The following NUBP1 variants were observed in gnomAD, a reference collection of about 807,000 sequenced individuals.
NUBP1 encodes NUBP iron-sulfur cluster assembly factor 1, cytosolic, also known as cytosolic Fe-S cluster assembly factor NUBP1.
NUBP1 carries 46 observed loss-of-function variants against 41.8 expected under a neutral mutation model. That is an observed-to-expected ratio of 1.10 (90% CI 0.87 to 1.41). NUBP1 has a LOEUF of 1.41. Among genes scored for constraint, NUBP1 ranks in the 40% most tolerant of loss-of-function variants. The probability of loss-of-function intolerance (pLI) is 0.00; values close to 1 mark genes in which losing one functional copy is unlikely to be tolerated. For missense variants in NUBP1, 494 were observed against 414.0 expected (o/e 1.19, Z -1.68); for synonymous variants, 189 against 154.6 (o/e 1.22, Z -1.65).
At position 10,749,126 on chromosome 16, in the gene NUBP1, TACACACAC is replaced by T. The variant is rs58201009; in HGVS notation, c.258+1887_258+1894del. ...GGATATAGATAGATACACAGACACA[TACACACAC>T]ACACACACACACACACACACACACA... On this transcript the variant is annotated intron_variant, in intron 3 of 10. Transcript: ENST00000283027. The surrounding 1 kb of genome is among the most constrained non-coding windows in gnomAD (Gnocchi z 4.1). Among the ~76,000 whole-genome samples, 1,780 of 121,004 alleles carry T rather than the reference TACACACAC, an allele frequency of 0.015. 14 individuals are homozygous for T. Among genetic ancestry groups the T allele is most frequent in the Middle Eastern group, 0.031 (8 of 254 alleles). 79.4% of individuals were successfully genotyped at this position (121,004 alleles called of 152,430 possible). A position where few individuals can be genotyped will look rare whatever the true frequency, so the allele number is the denominator to read the frequency against.
At chr16:10,748,712 C>G (rs1421585978) in intron 3 of NUBP1, among the ~76,000 whole-genome samples, 2 of 152,180 alleles carry the variant, frequency 1.3e-5, no homozygotes, top group African/African-American at 4.8e-5. Flanking sequence ...TTATTTCACT[C>G]TCTGGATATG....
Position 10,757,798 on chromosome 16 carries a change from TAA to T in NUBP1, c.452-66_452-65del. ...GGCAACATAGCAAGACCCCATCCTT[TAA>T]AAAAAAAAGAGGGAGTTGAAAGTAC... On this transcript the variant is annotated intron_variant, in intron 6 of 10. Transcript: ENST00000283027. This position sits in a 1 kb window ranked among gnomAD's most constrained non-coding sequence, Gnocchi z 4.1. 2.5e-6 allele frequency: 3 copies of T among 1,222,016 alleles called. No individual in the cohort carries two copies. The highest frequency in any genetic ancestry group is 1.1e-6 in the Non-Finnish European group (1 of 890,840). The allele number at this position is 1,222,016 out of a possible 1,614,324, so 75.7% of individuals were successfully genotyped here.
rs768697857 is a variant in NUBP1, at chr16:10,749,798, G to A, written c.258+2522G>A. Among the ~76,000 whole-genome samples the A allele has an allele frequency of 1.2e-4, 18 of 152,296 alleles. No homozygotes were observed. Among genetic ancestry groups the A allele is most frequent in the South Asian group, 1.0e-3 (5 of 4,826 alleles). ...ATGTTAGCGCTTGAGGCAGGCAGGCGCCTGTCATCTCATTGGCACAAAGGG... is the reference window on the plus strand; with the variant it reads ...ATGTTAGCGCTTGAGGCAGGCAGGCACCTGTCATCTCATTGGCACAAAGGG... On this transcript the variant is annotated intron_variant, in intron 3 of 10. Transcript: ENST00000283027. This position sits in a 1 kb window ranked among gnomAD's most constrained non-coding sequence, Gnocchi z 4.1.
chr16:10,761,634 G>C (rs2029910963), intron 8 of NUBP1, 123 bp from the exon 9 acceptor site: 1 of 950,446 alleles, frequency 1.1e-6, no homozygotes, highest in South Asian at 1.7e-5. Context: ...AAGTTCTTTA[G>C]GTGTTAAGGG....
At position 10,749,157 on chromosome 16, in the gene NUBP1, A is replaced by ACACG. The variant is rs947627167; in HGVS notation, c.258+1884_258+1885insGCAC. Among the ~76,000 whole-genome samples the ACACG allele has an allele frequency of 6.7e-6, 1 of 150,202 alleles. No homozygotes were observed. The highest frequency in any genetic ancestry group is 1.5e-5 in the Non-Finnish European group (1 of 67,310). On this transcript the variant is annotated intron_variant, in intron 3 of 10. Transcript: ENST00000283027. This position sits in a 1 kb window ranked among gnomAD's most constrained non-coding sequence, Gnocchi z 4.1. ...CACACACACACACACACACACACAC[A>ACACG]CACACACACACACGTTGATTCGTCA... is the stretch of plus-strand genomic sequence containing the variant.
At chr16:10,758,359 G>C (rs903951037) in intron 7 of NUBP1, among the ~76,000 whole-genome samples, 13 of 152,208 alleles carry the variant, frequency 8.5e-5, no homozygotes, top group African/African-American at 3.1e-4. Flanking sequence ...TGTAGTTCCA[G>C]CTACTTGGGA....
At chr16:10,756,883 C>T (rs1900596477) in intron 6 of NUBP1, 103 bp downstream of exon 6, 2 of 842,238 alleles carry the variant, frequency 2.4e-6, no homozygotes, top group Non-Finnish European at 1.8e-6. Flanking sequence ...TGCTGGACTT[C>T]ACAGTATATT....
intron 9 of NUBP1, among the ~76,000 whole-genome samples, chr16:10,764,467 G>GCTGGAGTATGTCAGTCTA (rs2030540690): frequency 6.6e-6 from 1 of 150,900 alleles, no homozygotes; most frequent in African/African-American, 2.4e-5. Context: ...ATCTCAGTCT[G>GCTGGAGTATGTCAGTCTA]CTGGAGTATG....
At position 10,767,168 on chromosome 16, in the gene NUBP1, AG is replaced by A. The variant is rs2031007329; in HGVS notation, c.821-780del. 2 of 399,452 alleles carry A rather than the reference AG, an allele frequency of 5.0e-6. No homozygotes were observed. The highest frequency in any genetic ancestry group is 8.8e-6 in the Non-Finnish European group (2 of 226,754). The allele number at this position is 399,452 out of a possible 1,614,324, so 24.7% of individuals were successfully genotyped here. ...AGCAGCTCAGGCCTGGGGAGTGGGC[AG>A]AGCAAGCTGATGGCAGGTCCACCCA... On this transcript the variant is annotated intron_variant, in intron 9 of 10. Transcript: ENST00000283027. This position sits in a 1 kb window ranked among gnomAD's most constrained non-coding sequence, Gnocchi z 4.6.
rs1309686500 is a variant in NUBP1, at chr16:10,757,955, T to G, written c.534T>G (p.Asp178Glu). ...TGGACACCCCACCTGGGACGTCGGA[T>G]GAACACCTCTCGGTCGTCCGGTACC... is the stretch of plus-strand genomic sequence containing the variant. ...LIVDTPPGTSDEHLSVVRYLA... is the reference protein window; with the variant it reads ...LIVDTPPGTSEEHLSVVRYLA... Residue 178 changes from aspartate to glutamate, a missense_variant, in exon 7 of 11, where the codon GAT becomes GAG. By Grantham distance (45) the Asp-to-Glu change is conservative. Transcript: ENST00000283027. This position sits in a 1 kb window ranked among gnomAD's most constrained non-coding sequence, Gnocchi z 4.1. 11 of 1,613,966 alleles carry G rather than the reference T, an allele frequency of 6.8e-6. No homozygotes were observed. Among genetic ancestry groups the G allele is most frequent in the Non-Finnish European group, 9.3e-6 (11 of 1,180,030 alleles).
chr16:10,755,628 C>CA, intron 4 of NUBP1, 93 bp from the exon 5 acceptor site: 2 of 1,301,890 alleles, frequency 1.5e-6, no homozygotes, highest in Non-Finnish European at 2.2e-6. Flanking sequence ...TTTTAAAAAA[C>CA]CATCGTCTTA....
chr16:10,761,400 T>A lies in NUBP1; in HGVS notation c.643T>A (p.Phe215Ile), dbSNP rs1282669631. The stretch of plus-strand genomic sequence containing the variant: ...CCAGGATGTCCGGAAAGAAATCAAC[T>A]TCTGCCGCAAGGTGAAGCTGCCCAT... The part of the protein sequence containing the change: ...SLQDVRKEIN[F>I]CRKVKLPIIG... The change falls in exon 8 of 11, where the codon TTC becomes ATC. Residue 215 changes from phenylalanine to isoleucine, a missense_variant. Transcript: ENST00000283027. 1.2e-6 allele frequency: 2 copies of A among 1,614,022 alleles called. No individual in the cohort carries two copies. The highest frequency in any genetic ancestry group is 8.5e-7 in the Non-Finnish European group (1 of 1,180,004).
At chr16:10,764,659 C>G (rs1248185829) in intron 9 of NUBP1, among the ~76,000 whole-genome samples, 2 of 149,060 alleles carry the variant, frequency 1.3e-5, no homozygotes, top group African/African-American at 2.5e-5. Flanking sequence ...GTATGTCAGT[C>G]TATTGGAGCA....
chr16:10,756,552 A>C (rs1391519021), intron 5 of NUBP1, 138 bp from the exon 6 acceptor site: 2 of 524,748 alleles, frequency 3.8e-6, no homozygotes, highest in Non-Finnish European at 6.6e-6. Flanking sequence ...CAAAGAGTGA[A>C]TATGCTCATA....
rs146644849 is a variant in NUBP1 at position 10,743,883 on chromosome 16, G to C, written c.19+1G>C. 1 of 1,567,786 alleles carries C rather than the reference G, an allele frequency of 6.4e-7. No individual in the cohort carries two copies. Among genetic ancestry groups the C allele is most frequent in the Non-Finnish European group, 8.6e-7 (1 of 1,157,964 alleles). On this transcript the variant is annotated splice_donor_variant, in intron 1 of 10. Coordinates refer to ENST00000283027, the MANE Select transcript of NUBP1 (RefSeq NM_002484.4). LOFTEE classifies it high-confidence loss of function. ...GACGGAATGGAGGAGGTGCCTCACG[G>C]TAAGCTCGCGGAGGGGGCGTGGGTC...
At chr16:10,745,446 C>T (rs373262074) in intron 2 of NUBP1, among the ~76,000 whole-genome samples, 1 of 151,514 alleles carries the variant, frequency 6.6e-6, no homozygotes, top group African/African-American at 2.4e-5. Context: ...CAGAGTGAGA[C>T]CCTGTCTCAA....
intron 2 of NUBP1, among the ~76,000 whole-genome samples, chr16:10,745,865 T>C (rs112701037): frequency 6.6e-6 from 1 of 152,316 alleles, no homozygotes; most frequent in African/African-American, 2.4e-5. Flanking sequence ...GAGGATAAGC[T>C]TGTAATGGAC....
intron 9 of NUBP1, among the ~76,000 whole-genome samples, chr16:10,762,836 T>G: frequency 6.7e-6 from 1 of 149,274 alleles, no homozygotes; most frequent in East Asian, 2.0e-4. Flanking sequence ...GCGGGGCCCG[T>G]GGAGAGCCTG....
Position 10,757,939 on chromosome 16 carries a change from C to T in NUBP1, c.518C>T (p.Pro173Leu), listed in dbSNP as rs1015758716. Residue 173 changes from proline (P) to leucine (L), a missense_variant, in exon 7 of 11, where the codon CCA (proline) becomes CTA (leucine). Transcript: ENST00000283027. This position sits in a 1 kb window ranked among gnomAD's most constrained non-coding sequence, Gnocchi z 4.1. ...GTCGACTACCTCATTGTGGACACCC[C>T]ACCTGGGACGTCGGATGAACACCTC... ...GEVDYLIVDT[P>L]PGTSDEHLSV... 15 of 1,614,114 alleles carry T rather than the reference C, an allele frequency of 9.3e-6. No homozygotes were observed. Among genetic ancestry groups the T allele is most frequent in the Middle Eastern group, 1.6e-4 (1 of 6,062 alleles).
Sources: allele counts gnomAD v4.1 joint callset (sites outside exome capture counted in the v4.1 genomes callset), GRCh38; gene constraint gnomAD v4.1.1; non-coding constraint Gnocchi (gnomAD v3.1); transcripts MANE v1.5; gene names NCBI Gene and HGNC (gene_info 2026-07-23, HGNC 2026-07-21).